The following NBEAL1 variants were observed in gnomAD, a reference collection of about 807,000 sequenced individuals.
NBEAL1 encodes neurobeachin-like protein 1.
In NBEAL1, 273 loss-of-function variants were observed where a neutral mutation model predicts 351.3. The ratio of observed to expected loss-of-function variants is 0.78; its 90% CI spans 0.70 to 0.86. The LOEUF is 0.86. NBEAL1 is among the 40% of genes least tolerant of loss of function. The pLI is 0.00. For missense variants in NBEAL1, 2,961 were observed against 3,201.3 expected (o/e 0.92, Z 1.81); for synonymous variants, 1,050 against 1,086.4 (o/e 0.97, Z 0.66).
intron 19 of NBEAL1, among the ~76,000 whole-genome samples, chr2:203,124,065 A>G (rs2062885878): frequency 6.6e-6 from 1 of 152,220 alleles, no homozygotes; most frequent in Admixed American, 6.5e-5. Context: ...GGCCAGGCAC[A>G]GTGGTTCACA....
Position 203,166,288 on chromosome 2 carries a change from AAAG to A in NBEAL1, c.5859_5861del (p.Glu1953del). On this transcript the variant is annotated inframe_deletion, in exon 37 of 56. Coordinates refer to ENST00000683969, the MANE Select transcript of NBEAL1 (RefSeq NM_001378026.1). Reference sequence around the variant, plus strand: ...TTACTTCTATGATGGCAGCATTGAAAAAGAAGATGGTGAGGAGTTCTGGAAAAA... The same window carrying A: ...TTACTTCTATGATGGCAGCATTGAAAAAGATGGTGAGGAGTTCTGGAAAAA... 1.2e-6 allele frequency: 2 copies of A among 1,600,466 alleles called. No homozygotes were observed. The highest frequency in any genetic ancestry group is 1.7e-6 in the Non-Finnish European group (2 of 1,176,866).
chr2:203,083,601 A>AT, intron 9 of NBEAL1, 76 bp downstream of exon 9: 1 of 1,159,322 alleles, frequency 8.6e-7, no homozygotes, highest in South Asian at 1.7e-5. Flanking sequence ...TTGAAATACA[A>AT]GGCCATTGTA....
At chr2:203,201,776 A>C in intron 50 of NBEAL1, 61 bp downstream of exon 50, 2 of 1,383,450 alleles carry the variant, frequency 1.4e-6, no homozygotes, top group East Asian at 4.7e-5. Context: ...TAAGTATAAA[A>C]GTAGTACGTG....
At chr2:203,178,872 A>G (rs1187420565) in intron 42 of NBEAL1, among the ~76,000 whole-genome samples, 1 of 152,196 alleles carries the variant, frequency 6.6e-6, no homozygotes, top group Non-Finnish European at 1.5e-5. Context: ...ATAGTTGCAC[A>G]ATTATGAATA....
intron 9 of NBEAL1, 144 bp from the exon 10 acceptor site, chr2:203,084,319 T>C: frequency 2.4e-6 from 1 of 425,486 alleles, no homozygotes; most frequent in Non-Finnish European, 4.2e-6. Context: ...AATGCTTTTA[T>C]GTGCTTTTGT....
chr2:203,110,217 G>C lies in NBEAL1; in HGVS notation c.2017G>C (p.Val673Leu). ...ITHSGMLVVA[V>L]CTKREYATVM... ...CCATTCAGGTATGTTGGTCGTGGCA[G>C]TGTGCACAAAAAGAGAATATGCAAC... The change falls in exon 15 of 56, where the codon GTG becomes CTG. Residue 673 changes from valine (V) to leucine (L), a missense_variant. By Grantham distance (32) the Val-to-Leu change is conservative (BLOSUM62 1). Coordinates refer to ENST00000683969, the MANE Select transcript of NBEAL1 (RefSeq NM_001378026.1). The C allele has an allele frequency of 6.4e-7, 1 of 1,553,760 alleles. No homozygotes were observed. Among genetic ancestry groups the C allele is most frequent in the Non-Finnish European group, 8.7e-7 (1 of 1,147,462 alleles).
At chr2:203,057,679 A>G (rs1290044179) in intron 6 of NBEAL1, among the ~76,000 whole-genome samples, 1 of 152,226 alleles carries the variant, frequency 6.6e-6, no homozygotes, top group Non-Finnish European at 1.5e-5. Context: ...AATTTTGAAT[A>G]CTAATAATCT....
At chr2:203,133,184 C>A in intron 27 of NBEAL1, 38 bp downstream of exon 27, 1 of 858,796 alleles carries the variant, frequency 1.2e-6, no homozygotes, top group Non-Finnish European at 1.8e-6. Flanking sequence ...ATGATAGCAG[C>A]ATCACCATCA....
intron 51 of NBEAL1, among the ~76,000 whole-genome samples, chr2:203,207,337 G>A (rs1484818922): frequency 1.3e-5 from 2 of 148,594 alleles, no homozygotes; most frequent in Non-Finnish European, 3.0e-5. Flanking sequence ...GGAGGTGAGG[G>A]GCGCCTCTGC....
Position 203,065,114 on chromosome 2 carries a change from C to G in NBEAL1, c.516-3279C>G, listed in dbSNP as rs554946579. ...CTTCACAAAAAACAAAAAAAATTAACTGGGTATGGTGGCTTGCACCTATGA... is the reference window on the plus strand; with the variant it reads ...CTTCACAAAAAACAAAAAAAATTAAGTGGGTATGGTGGCTTGCACCTATGA... On this transcript the variant is annotated intron_variant, in intron 6 of 55. Transcript: ENST00000683969. 5.3e-5 allele frequency among the ~76,000 whole-genome samples: 8 copies of G among 152,112 alleles called. No individual in the cohort carries two copies. In the South Asian group the frequency reaches 1.0e-3, roughly 20 times the overall value.
At chr2:203,113,821 CTTTTTT>C (rs34496672) in intron 17 of NBEAL1, among the ~76,000 whole-genome samples, 1 of 114,722 alleles carries the variant, frequency 8.7e-6, no homozygotes. Flanking sequence ...CTGTGTCTCT[CTTTTTT>C]TTTTTTTTTT....
rs1553507370 is a variant in NBEAL1 at position 203,208,640 on chromosome 2, G to A, written c.7510G>A (p.Gly2504Ser). ...TGCTTTTCTCTTGTATTATTAGGGAGGTGTTCCTGTGGGCTTAGCATCTAA... is the reference window on the plus strand; with the variant it reads ...TGCTTTTCTCTTGTATTATTAGGGAAGTGTTCCTGTGGGCTTAGCATCTAA... The part of the protein sequence containing the change: ...CMIWQITQQG[G>S]VPVGLASKPF... Residue 2504 changes from glycine to serine, a missense_variant, in exon 52 of 56, where the codon GGT (glycine) becomes AGT (serine). By Grantham distance (56) the Gly-to-Ser change is moderately conservative. Coordinates refer to ENST00000683969, the MANE Select transcript of NBEAL1 (RefSeq NM_001378026.1). 5.0e-6 allele frequency: 8 copies of A among 1,603,692 alleles called. No homozygotes were observed. The East Asian group carries it at 6.7e-5, about 13-fold the overall frequency.
chr2:203,058,577 T>C (rs1012518899), intron 6 of NBEAL1, among the ~76,000 whole-genome samples: 1 of 152,116 alleles, frequency 6.6e-6, no homozygotes, highest in Non-Finnish European at 1.5e-5. Context: ...TCTTGAGCAG[T>C]CAAGAGGCTC....
chr2:203,183,983 C>G (rs1054424928), intron 44 of NBEAL1, among the ~76,000 whole-genome samples: 1 of 147,536 alleles, frequency 6.8e-6, no homozygotes, highest in Non-Finnish European at 1.5e-5. Context: ...GAGGCTGAGG[C>G]AGGAGAATCG....
chr2:203,102,184 G>A (rs1156545261), intron 12 of NBEAL1, among the ~76,000 whole-genome samples: 2 of 152,336 alleles, frequency 1.3e-5, no homozygotes, highest in Admixed American at 6.5e-5. Flanking sequence ...TGCTCAAGTA[G>A]TTTATTAGAT....
In NBEAL1 at chr2:203,138,649, CTG is replaced by C; in HGVS notation, c.4751_4752del (p.Cys1584SerfsTer7). 1 of 1,610,038 alleles carries C rather than the reference CTG, an allele frequency of 6.2e-7. No individual in the cohort carries two copies. The highest frequency in any genetic ancestry group is 1.1e-5 in the South Asian group (1 of 89,686). Reference sequence around the variant, plus strand: ...TAGAGGATATGATGCTGCTCTTTGACTGTCTGTCAGTCTGCTATTCTGAAAGT... The same window carrying C: ...TAGAGGATATGATGCTGCTCTTTGACTCTGTCAGTCTGCTATTCTGAAAGT... ...LLEDMMLLFD[C>X]LSVCYSESPV... On this transcript the variant is annotated frameshift_variant, in exon 31 of 56. Transcript: ENST00000683969. LOFTEE classifies it high-confidence loss of function.
At chr2:203,111,230 A>C (rs2062564957) in intron 15 of NBEAL1, among the ~76,000 whole-genome samples, 1 of 152,110 alleles carries the variant, frequency 6.6e-6, no homozygotes, top group African/African-American at 2.4e-5. Context: ...ATTCAGGAGG[A>C]TACTGGGGAG....
At chr2:203,186,234 G>A (rs1330211360) in intron 44 of NBEAL1, among the ~76,000 whole-genome samples, 2 of 152,194 alleles carry the variant, frequency 1.3e-5, no homozygotes, top group African/African-American at 2.4e-5. Context: ...TTGCTATTCT[G>A]CATTAAGGCT....
chr2:203,049,475 A>T (rs2061288477), intron 3 of NBEAL1, among the ~76,000 whole-genome samples: 1 of 152,222 alleles, frequency 6.6e-6, no homozygotes, highest in African/African-American at 2.4e-5. Context: ...TAGTATTTTT[A>T]AGTGGAACAT....
Sources: allele counts gnomAD v4.1 joint callset (sites outside exome capture counted in the v4.1 genomes callset), GRCh38; gene constraint gnomAD v4.1.1; transcripts MANE v1.5; gene names NCBI Gene and HGNC (gene_info 2026-07-23, HGNC 2026-07-21).